Variants in SUCLA2 observed in about 807,000 individuals in gnomAD.
The protein encoded by SUCLA2 is succinate--CoA ligase [ADP-forming] subunit beta, mitochondrial.
In SUCLA2, 30 loss-of-function variants were observed where a neutral mutation model predicts 54.8. That is an observed-to-expected ratio of 0.55 (90% CI 0.41 to 0.74). SUCLA2 has a LOEUF of 0.74. Among genes scored for constraint, SUCLA2 ranks in the 30% least tolerant of loss-of-function variants. The pLI is 0.00. For synonymous variants in SUCLA2, 172 were observed against 188.9 expected, an observed-to-expected ratio of 0.91 and a Z score of 0.74; for missense variants, 476 against 562.9, an observed-to-expected ratio of 0.85 and a Z score of 1.56.
At chr13:47,956,115 C>A (rs769849259) in intron 6 of SUCLA2, among the ~76,000 whole-genome samples, 3 of 151,730 alleles carry the variant, frequency 2.0e-5, no homozygotes, top group Non-Finnish European at 2.9e-5. Flanking sequence ...CCACAGTAAC[C>A]CAAATTTAGA....
chr13:47,973,154 A>G (rs1949982237), intron 5 of SUCLA2, 110 bp downstream of exon 5: 17 of 930,738 alleles, frequency 1.8e-5, no homozygotes, highest in Non-Finnish European at 2.9e-5. Context: ...AACTTTCCTG[A>G]CACTCAAAAT....
Position 47,968,726 on chromosome 13 carries a change from T to C in SUCLA2, c.671A>G (p.Gln224Arg). ...IKKEQALQLA[Q>R]KMGFPPNIVE... ...AATATTAGGTGGAAATCCCATCTTC[T>C]GTGCAAGCTGAAATCAATATGTCTT... The change falls in exon 6 of 11, where the codon CAG becomes CGG. Residue 224 changes from glutamine to arginine, a missense_variant. This residue lies in a region of SUCLA2 where 342 missense variants were observed against 444.2 expected (regional missense o/e 0.77). Transcript: ENST00000646932. 6.2e-7 allele frequency: 1 copy of C among 1,612,520 alleles called. No homozygotes were observed. The highest frequency in any genetic ancestry group is 1.1e-5 in the South Asian group (1 of 90,996).
At chr13:47,976,491 C>A (rs1424171966) in intron 4 of SUCLA2, among the ~76,000 whole-genome samples, 1 of 152,142 alleles carries the variant, frequency 6.6e-6, no homozygotes, top group Non-Finnish European at 1.5e-5. Context: ...GGGACTGTTT[C>A]CTGTCTCAAC....
chr13:47,983,489 C>CT (rs10548877), intron 4 of SUCLA2, among the ~76,000 whole-genome samples: 36 of 132,514 alleles, frequency 2.7e-4, no homozygotes, highest in Middle Eastern at 3.7e-3. Flanking sequence ...TTTCTTTTCC[C>CT]TTTTTTTTTT....
In SUCLA2 at chr13:47,954,487, T is replaced by C; in HGVS notation, c.873A>G (p.Leu291=). ...TTTCATCTTCCTGGGTCCAGTCCTG[T>C]AGATCAAAGATTTTCTTTTGGCGAT... The part of the protein sequence containing the change: ...SAYRQKKIFD[L]QDWTQEDERD... The change falls in exon 7 of 11, where the codon CTA becomes CTG. Residue 291 remains leucine, a synonymous_variant. Coordinates refer to ENST00000646932, the MANE Select transcript of SUCLA2 (RefSeq NM_003850.3). 2.5e-6 allele frequency: 4 copies of C among 1,613,928 alleles called. No homozygotes were observed. The South Asian group carries it at 3.3e-5, about 13-fold the overall frequency.
intron 8 of SUCLA2, among the ~76,000 whole-genome samples, chr13:47,951,058 C>T (rs1180116498): frequency 6.6e-5 from 10 of 152,248 alleles, no homozygotes; most frequent in African/African-American, 2.2e-4. Flanking sequence ...TCCATATTCA[C>T]CACCAGGCAC....
At chr13:47,961,759 T>C (rs1949873308) in intron 6 of SUCLA2, among the ~76,000 whole-genome samples, 9 of 152,232 alleles carry the variant, frequency 5.9e-5, no homozygotes, top group Admixed American at 5.9e-4. Flanking sequence ...TATGTTAAAT[T>C]GTTGTATGCC....
At chr13:47,966,085 A>G (rs954210113) in intron 6 of SUCLA2, among the ~76,000 whole-genome samples, 21 of 152,206 alleles carry the variant, frequency 1.4e-4, no homozygotes, top group Non-Finnish European at 3.1e-4. Flanking sequence ...AGACACTAGA[A>G]GAACAATGTC....
intron 1 of SUCLA2, among the ~76,000 whole-genome samples, chr13:47,997,626 C>T (rs1047324771): frequency 6.6e-6 from 1 of 152,220 alleles, no homozygotes; most frequent in Non-Finnish European, 1.5e-5. Flanking sequence ...CTGGAGCCTA[C>T]TTGCCCAAAG....
At position 47,996,286 on chromosome 13, in the gene SUCLA2, G is replaced by T. The variant is rs1040894076; in HGVS notation, c.271+557C>A. ...TGCAGTGAGCCAGGATTGCACCATT[G>T]CACTCCAACCTGGGCAATAAGAATG... On this transcript the variant is annotated intron_variant, in intron 2 of 10. Transcript: ENST00000646932. 4.8e-5 allele frequency among the ~76,000 whole-genome samples: 7 copies of T among 144,792 alleles called. No individual in the cohort carries two copies. In the East Asian group the frequency reaches 1.4e-3, roughly 29 times the overall value. The allele number at this position is 144,792 out of a possible 152,430, so 95.0% of individuals were successfully genotyped here.
intron 2 of SUCLA2, chr13:47,994,854 T>C (rs1458237648): frequency 2.0e-6 from 2 of 985,264 alleles, no homozygotes; most frequent in Admixed American, 6.1e-5. Flanking sequence ...GAAATACTCA[T>C]AGTTACAGTT....
chr13:47,984,762 C>T (rs1950087827), intron 4 of SUCLA2, among the ~76,000 whole-genome samples: 1 of 151,086 alleles, frequency 6.6e-6, no homozygotes, highest in Non-Finnish European at 1.5e-5. Context: ...GGCGACAGAG[C>T]AAGACTCTCA....
intron 6 of SUCLA2, among the ~76,000 whole-genome samples, chr13:47,959,359 C>CTTATATGGTAAA (rs1555256811): frequency 6.6e-5 from 10 of 150,928 alleles, no homozygotes; most frequent in African/African-American, 2.4e-4. Context: ...GTGAAAAGAT[C>CTTATATGGTAAA]TTGCTGTCCT....
At chr13:47,973,560 TATAA>T (rs1324656392) in intron 4 of SUCLA2, among the ~76,000 whole-genome samples, 168 bp from the exon 5 acceptor site, 1 of 152,156 alleles carries the variant, frequency 6.6e-6, no homozygotes, top group African/African-American at 2.4e-5. Flanking sequence ...AGTGCCCTCT[TATAA>T]ATATTCAATT....
intron 6 of SUCLA2, 43 bp from the exon 7 acceptor site, chr13:47,954,600 G>A (rs372130325): frequency 1.3e-6 from 2 of 1,598,830 alleles, no homozygotes; most frequent in African/African-American, 1.3e-5. Context: ...TTTCAAGACA[G>A]ATACAATAAA....
At chr13:47,994,582 A>G (rs2137751006) in intron 2 of SUCLA2, among the ~76,000 whole-genome samples, 1 of 151,906 alleles carries the variant, frequency 6.6e-6, no homozygotes, top group South Asian at 2.1e-4. Context: ...AAAAAAAAAA[A>G]AAAAAAACCA....
intron 6 of SUCLA2, among the ~76,000 whole-genome samples, chr13:47,963,992 G>A (rs2137708356): frequency 1.3e-5 from 2 of 152,298 alleles, no homozygotes; most frequent in Middle Eastern, 6.8e-3. Flanking sequence ...ACAAAGGGAG[G>A]ACTTACAGTC....
chr13:47,988,829 ATCT>A, intron 3 of SUCLA2, 50 bp downstream of exon 3: 6 of 1,595,628 alleles, frequency 3.8e-6, no homozygotes, highest in Non-Finnish European at 5.1e-6. Flanking sequence ...TCAATAAGTA[ATCT>A]TTAATCAGTC....
intron 6 of SUCLA2, among the ~76,000 whole-genome samples, chr13:47,958,032 G>C (rs943769455): frequency 2.0e-5 from 3 of 152,140 alleles, no homozygotes; most frequent in African/African-American, 7.2e-5. Flanking sequence ...GGAATCTGGG[G>C]TTTGCTGCTG....
Sources: gnomAD v4.1 joint callset for allele counts (sites outside exome capture counted in the v4.1 genomes callset) on GRCh38, gnomAD v4.1.1 for gene constraint, gnomAD v4.1.1 regional missense constraint, MANE v1.5 for transcripts, NCBI Gene and HGNC (gene_info 2026-07-23, HGNC 2026-07-21) for gene names.